SEPTIN9: variants seen among roughly 807,000 people sequenced by gnomAD.
The protein encoded by SEPTIN9 is septin-9.
In SEPTIN9, 13 loss-of-function variants were observed where a neutral mutation model predicts 56.6. The observed-to-expected ratio is 0.23, with a 90% CI of 0.15 to 0.37. SEPTIN9 has a LOEUF of 0.37. Ranked by LOEUF, SEPTIN9 falls within the 10% of genes least tolerant of loss-of-function variation. The probability of loss-of-function intolerance (pLI) is 1.00; values close to 1 mark genes in which losing one functional copy is unlikely to be tolerated. For missense variants in SEPTIN9, 650 were observed against 823.1 expected (o/e 0.79, Z 2.57); for synonymous variants, 332 against 334.1 (o/e 0.99, Z 0.07).
chr17:77,392,073 G>A (rs974327447), intron 2 of SEPTIN9, among the ~76,000 whole-genome samples: 9 of 152,218 alleles, frequency 5.9e-5, no homozygotes, highest in Admixed American at 5.2e-4. Flanking sequence ...TTCCTGTAGC[G>A]TGCAGAGGGA....
intron 3 of SEPTIN9, among the ~76,000 whole-genome samples, chr17:77,423,014 G>A (rs1470799742): frequency 1.3e-5 from 2 of 152,112 alleles, no homozygotes; most frequent in Non-Finnish European, 2.9e-5. Flanking sequence ...GGTTATACTT[G>A]TGAACCCTGA....
At chr17:77,407,333 C>G (rs946124392) in intron 3 of SEPTIN9, among the ~76,000 whole-genome samples, 2 of 145,702 alleles carry the variant, frequency 1.4e-5, no homozygotes, top group Non-Finnish European at 3.0e-5. Flanking sequence ...AAGTAAGTGA[C>G]TTGGACATAA....
chr17:77,402,509 C>T lies in SEPTIN9; in HGVS notation c.527C>T (p.Pro176Leu). ...CCTGCCTCCAAGGTCCCCGAGGTGCCCACTGCCCCTGCCACCGACGCAGCC... is the reference window on the plus strand; with the variant it reads ...CCTGCCTCCAAGGTCCCCGAGGTGCTCACTGCCCCTGCCACCGACGCAGCC... ...EPPASKVPEV[P>L]TAPATDAAPK... Residue 176 changes from proline (P) to leucine (L), a missense_variant, in exon 3 of 12, where the codon CCC (proline) becomes CTC (leucine). By Grantham distance (98) the Pro-to-Leu change is moderately conservative. This residue lies in a region of SEPTIN9 where 317 missense variants were observed against 329.1 expected (regional missense o/e 0.96). Transcript: ENST00000427177. The surrounding 1 kb of genome is among the most constrained non-coding windows in gnomAD (Gnocchi z 6.6). The T allele has an allele frequency of 1.2e-6, 2 of 1,603,856 alleles. No homozygotes were observed. The highest frequency in any genetic ancestry group is 1.7e-6 in the Non-Finnish European group (2 of 1,175,736).
chr17:77,383,749 T>G (rs1428293791), intron 2 of SEPTIN9, among the ~76,000 whole-genome samples: 1 of 152,152 alleles, frequency 6.6e-6, no homozygotes, highest in Non-Finnish European at 1.5e-5. Flanking sequence ...CGTGGGGATC[T>G]CCGAGGGTAG....
intron 2 of SEPTIN9, among the ~76,000 whole-genome samples, chr17:77,368,203 G>T (rs1318734112): frequency 1.3e-5 from 2 of 152,234 alleles, no homozygotes; most frequent in Non-Finnish European, 2.9e-5. Flanking sequence ...AGTTTGGGAA[G>T]TTGGAAGAAG....
chr17:77,488,452 C>A (rs2039888793), intron 6 of SEPTIN9, 131 bp downstream of exon 6: 3 of 896,854 alleles, frequency 3.3e-6, no homozygotes, highest in Non-Finnish European at 5.4e-6. Context: ...GACATGCTGC[C>A]AAAGCCGCAC....
intron 10 of SEPTIN9, chr17:77,493,290 C>T: frequency 1.7e-6 from 1 of 571,548 alleles, no homozygotes; most frequent in Non-Finnish European, 3.1e-6. Context: ...AGACCTCCCC[C>T]CGGGCAGGGA....
intron 2 of SEPTIN9, among the ~76,000 whole-genome samples, chr17:77,352,028 C>T (rs2574846): frequency 0.56 from 84,614 of 152,024 alleles, 23,923 homozygotes; most frequent in African/African-American, 0.62. Context: ...GGGCCCTTGC[C>T]GGGCCACCCT....
intron 2 of SEPTIN9, among the ~76,000 whole-genome samples, chr17:77,372,892 A>T (rs931267172): frequency 1.3e-5 from 2 of 152,194 alleles, no homozygotes; most frequent in African/African-American, 2.4e-5. Context: ...TAACCCTTGC[A>T]GGCGCAGAGC....
In SEPTIN9 at chr17:77,284,469, C is replaced by T. The variant is rs554854170; in HGVS notation, c.19+2915C>T. 1.8e-4 allele frequency among the ~76,000 whole-genome samples: 27 copies of T among 152,326 alleles called. 1 individual carries two copies. In the South Asian group the frequency reaches 4.8e-3, roughly 27 times the overall value. ...ATGGGGTGGAGGTAGTGGTAGTCTA[C>T]AGGCAGTGTGGTCCAGTGGTTACAC... On this transcript the variant is annotated intron_variant, in intron 1 of 11. Coordinates refer to ENST00000427177, the MANE Select transcript of SEPTIN9 (RefSeq NM_001113491.2).
At chr17:77,321,523 C>T (rs1295743850) in intron 2 of SEPTIN9, among the ~76,000 whole-genome samples, 2 of 151,984 alleles carry the variant, frequency 1.3e-5, no homozygotes, top group East Asian at 3.9e-4. Flanking sequence ...CCTCAGCCTC[C>T]CAAGCAGCTG....
At chr17:77,391,286 G>T (rs1299952827) in intron 2 of SEPTIN9, among the ~76,000 whole-genome samples, 1 of 152,150 alleles carries the variant, frequency 6.6e-6, no homozygotes, top group Non-Finnish European at 1.5e-5. Context: ...TCTGTGTTCT[G>T]TTCCTGGGGT....
At chr17:77,283,088 G>T (rs904752280) in intron 1 of SEPTIN9, among the ~76,000 whole-genome samples, 1 of 151,934 alleles carries the variant, frequency 6.6e-6, no homozygotes, top group Non-Finnish European at 1.5e-5. Context: ...GGCTTACTGG[G>T]AGGTGGGGAG....
At chr17:77,387,451 G>A (rs886323529) in intron 2 of SEPTIN9, among the ~76,000 whole-genome samples, 1 of 152,194 alleles carries the variant, frequency 6.6e-6, no homozygotes, top group Non-Finnish European at 1.5e-5. Flanking sequence ...TCACAGGTCC[G>A]AGGGCTAGGG....
chr17:77,373,240 AGGCCG>A, intron 2 of SEPTIN9: 3 of 1,118,222 alleles, frequency 2.7e-6, no homozygotes, highest in Non-Finnish European at 3.3e-6. Context: ...CGAGACAGGG[AGGCCG>A]GTGCGGGTGC....
intron 3 of SEPTIN9, among the ~76,000 whole-genome samples, chr17:77,424,878 A>C (rs574355283): frequency 1.3e-5 from 2 of 152,304 alleles, no homozygotes; most frequent in African/African-American, 4.8e-5. Context: ...GTGTGGACTC[A>C]GTACTCGGAA....
rs530195508 is a variant in SEPTIN9, at chr17:77,454,446, C to T, written c.722-27698C>T. ...CCGAGGGTGGCGGCCATGCCCAGTC[C>T]GCTGTACGTGTGAGTTTGTTTGATG... On this transcript the variant is annotated intron_variant, in intron 3 of 11. Coordinates refer to ENST00000427177, the MANE Select transcript of SEPTIN9 (RefSeq NM_001113491.2). 1.4e-5 allele frequency: 12 copies of T among 871,640 alleles called. No individual in the cohort carries two copies. The Admixed American group carries it at 3.1e-4, about 22-fold the overall frequency. 54.0% of individuals were successfully genotyped at this position (871,640 alleles called of 1,614,324 possible). A position where few individuals can be genotyped will look rare whatever the true frequency, so the allele number is the denominator to read the frequency against.
intron 2 of SEPTIN9, among the ~76,000 whole-genome samples, chr17:77,343,278 C>T (rs1301181633): frequency 3.3e-5 from 5 of 152,116 alleles, no homozygotes; most frequent in Admixed American, 3.3e-4. Flanking sequence ...AGTTGATCAT[C>T]AATGGCCAAA....
At position 77,402,572 on chromosome 17, in the gene SEPTIN9, A is replaced by C; in HGVS notation, c.590A>C (p.Glu197Ala). The change falls in exon 3 of 12, where the codon GAG (glutamate) becomes GCG (alanine). Residue 197 changes from glutamate (E) to alanine (A), a missense_variant. Around this residue, in one of 2 missense-constraint regions of SEPTIN9, gnomAD observed 317 missense variants for 329.1 expected, o/e 0.96. Coordinates refer to ENST00000427177, the MANE Select transcript of SEPTIN9 (RefSeq NM_001113491.2). The surrounding 1 kb of genome is among the most constrained non-coding windows in gnomAD (Gnocchi z 6.6). ...GAGATCCAGATGCCCAAGCCTGCTG[A>C]GGCGCCCACCGCCCCCAGCCCAGCC... ...RVEIQMPKPA[E>A]APTAPSPAQT... The C allele has an allele frequency of 6.2e-7, 1 of 1,611,074 alleles. No individual in the cohort carries two copies. The highest frequency in any genetic ancestry group is 8.5e-7 in the Non-Finnish European group (1 of 1,178,994).
Sources: gnomAD v4.1 joint callset for allele counts (sites outside exome capture counted in the v4.1 genomes callset) on GRCh38, gnomAD v4.1.1 for gene constraint, gnomAD v4.1.1 regional missense constraint, Gnocchi (gnomAD v3.1) non-coding constraint, MANE v1.5 for transcripts, NCBI Gene and HGNC (gene_info 2026-07-23, HGNC 2026-07-21) for gene names.